CYREN: variants seen among roughly 807,000 people sequenced by gnomAD.
CYREN encodes the protein cell cycle regulator of NHEJ, also known as cell cycle regulator of non-homologous end joining.
Under a neutral mutation model 9.7 loss-of-function variants are expected in CYREN, and 7 were observed. The ratio of observed to expected loss-of-function variants is 0.72; its 90% CI spans 0.41 to 1.36. The LOEUF is 1.36. Among genes scored for constraint, CYREN ranks in the 40% most tolerant of loss-of-function variants. CYREN has a pLI of 0.01. For missense variants in CYREN, 215 were observed against 198.1 expected (o/e 1.09, Z -0.51); for synonymous variants, 76 against 77.9 (o/e 0.98, Z 0.13).
chr7:135,094,341 C>G (rs1822322296), exon 3 of CYREN: 3 of 456,304 alleles, frequency 6.6e-6, no homozygotes, highest in Non-Finnish European at 1.3e-5. Flanking sequence ...TCTGAAGAGA[C>G]AGACGAATCC....
At chr7:135,108,715 T>C (rs1825151734) in intron 2 of CYREN, among the ~76,000 whole-genome samples, 1 of 152,232 alleles carries the variant, frequency 6.6e-6, no homozygotes, top group South Asian at 2.1e-4. Flanking sequence ...GGGTTTCCTG[T>C]ATTTTCTGGA....
At chr7:135,163,796 A>G (rs144850132), downstream of CYREN, among the ~76,000 whole-genome samples, 260 of 152,380 alleles carry the variant, frequency 1.7e-3, no homozygotes, top group African/African-American at 6.1e-3. Context: ...ATGAGTTCCC[A>G]GAGCACTGCA....
chr7:135,166,952 A>T (rs1359919977), intron 3 of CYREN, 81 bp from the exon 4 acceptor site: 1 of 1,548,386 alleles, frequency 6.5e-7, no homozygotes, highest in Non-Finnish European at 8.7e-7. Flanking sequence ...CACAGGATGT[A>T]TCTAGAAGCA....
At position 135,151,932 on chromosome 7, in the gene CYREN, A is replaced by C. The variant is rs1265533841; in HGVS notation, n.356+16817T>G. Among the ~76,000 whole-genome samples the C allele has an allele frequency of 1.3e-5, 2 of 152,150 alleles. No individual in the cohort carries two copies. Among genetic ancestry groups the C allele is most frequent in the Non-Finnish European group, 2.9e-5 (2 of 68,022 alleles). Reference sequence around the variant, plus strand: ...AACATAAATGAGACCAGCTTCCTAGAGTTCATCTCTGGGAATGAACCCTGG... The same window carrying C: ...AACATAAATGAGACCAGCTTCCTAGCGTTCATCTCTGGGAATGAACCCTGG... On this transcript the variant is annotated intron_variant and non_coding_transcript_variant, in intron 2 of 2. Transcript: ENST00000459937. The surrounding 1 kb of genome is among the most constrained non-coding windows in gnomAD (Gnocchi z 4.3).
intron 2 of CYREN, among the ~76,000 whole-genome samples, chr7:135,157,481 T>C (rs1034731538): frequency 2.0e-5 from 3 of 152,214 alleles, no homozygotes; most frequent in African/African-American, 7.2e-5. Flanking sequence ...TGTGCCCTTT[T>C]TAGGCCCCAC....
chr7:135,147,577 G>A (rs1238448901), intron 2 of CYREN, among the ~76,000 whole-genome samples: 1 of 152,100 alleles, frequency 6.6e-6, no homozygotes, highest in Admixed American at 6.6e-5. Context: ...CTCCAACATG[G>A]GCCTAAACAC....
chr7:135,171,817 C>T (rs1287374239), upstream of CYREN, among the ~76,000 whole-genome samples: 3 of 152,204 alleles, frequency 2.0e-5, no homozygotes, highest in Non-Finnish European at 4.4e-5. Flanking sequence ...CTCCGGCCAG[C>T]CTGACTGACG....
In CYREN at chr7:135,166,750, T is replaced by G. The variant is rs1352747346; in HGVS notation, c.335A>C (p.Asp112Ala). The part of the protein sequence containing the change: ...TSSGSSSEEE[D>A]SGKQALAPGL... ...TGGAGCCAGTGCCTGTTTCCCACTG[T>G]CCTCTTCCTCACTGCTGCTCCCAGA... The change falls in exon 4 of 4, where the codon GAC becomes GCC. Residue 112 changes from aspartate to alanine, a missense_variant. Physicochemically the swap from Asp to Ala is moderately radical, Grantham distance 126. Transcript: ENST00000393114. The G allele has an allele frequency of 6.2e-7, 1 of 1,614,066 alleles. No homozygotes were observed. The highest frequency in any genetic ancestry group is 1.7e-5 in the Admixed American group (1 of 60,026).
chr7:135,161,351 C>T (rs1829932747), downstream of CYREN, among the ~76,000 whole-genome samples: 1 of 151,958 alleles, frequency 6.6e-6, no homozygotes, highest in African/African-American at 2.4e-5. This position sits in a 1 kb window ranked among gnomAD's most constrained non-coding sequence, Gnocchi z 4.1. Flanking sequence ...TTTTTGGAAC[C>T]CCAGTGTAAC....
intron 2 of CYREN, among the ~76,000 whole-genome samples, chr7:135,157,540 T>G (rs1390538066): frequency 6.6e-6 from 1 of 152,232 alleles, no homozygotes; most frequent in African/African-American, 2.4e-5. Context: ...GGGCTGATTC[T>G]TGGGCCTCCA....
intron 2 of CYREN, among the ~76,000 whole-genome samples, chr7:135,118,961 C>G (rs1440491608): frequency 2.0e-5 from 3 of 151,946 alleles, no homozygotes; most frequent in Admixed American, 1.3e-4. Context: ...ATAGAAATTA[C>G]CCAACTGAAC....
intron 1 of CYREN, 142 bp downstream of exon 1, chr7:135,170,510 G>C (rs944145462): frequency 6.6e-6 from 1 of 152,342 alleles, no homozygotes; most frequent in African/African-American, 2.4e-5. Context: ...GGCTCCTTCC[G>C]ACTGGAGCGG....
intron 2 of CYREN, among the ~76,000 whole-genome samples, chr7:135,126,481 T>A (rs1014284647): frequency 3.9e-5 from 6 of 152,194 alleles, no homozygotes; most frequent in Admixed American, 1.3e-4. Context: ...ATTTATAGAT[T>A]CAACACTTTT....
chr7:135,092,727 T>A (rs977282618), exon 3 of CYREN: 2 of 152,066 alleles, frequency 1.3e-5, no homozygotes, highest in African/African-American at 4.8e-5. Context: ...GCCAAATAAA[T>A]TGAACTTTTT....
intron 2 of CYREN, among the ~76,000 whole-genome samples, chr7:135,101,729 G>A (rs767548921): frequency 2.6e-5 from 4 of 152,098 alleles, no homozygotes; most frequent in African/African-American, 9.7e-5. Context: ...CTATACTGAA[G>A]TGCCCAACAG....
At chr7:135,172,373 G>A (rs746985635), upstream of CYREN, among the ~76,000 whole-genome samples, 10 of 151,228 alleles carry the variant, frequency 6.6e-5, no homozygotes, top group Non-Finnish European at 1.2e-4. Context: ...TTTGAATTTC[G>A]TGATTTTGGT....
chr7:135,154,558 G>A (rs1176728561), intron 2 of CYREN, among the ~76,000 whole-genome samples: 4 of 152,016 alleles, frequency 2.6e-5, no homozygotes, highest in Non-Finnish European at 5.9e-5. Context: ...ATGTGTTTTT[G>A]CATTCATTTC....
chr7:135,095,038 T>C (rs1409228450), intron 2 of CYREN, among the ~76,000 whole-genome samples: 2 of 152,170 alleles, frequency 1.3e-5, no homozygotes, highest in Non-Finnish European at 2.9e-5. Context: ...ATGGAGTAAG[T>C]AGCCCAAGAT....
intron 2 of CYREN, chr7:135,135,347 T>C: frequency 8.2e-7 from 1 of 1,221,454 alleles, no homozygotes; most frequent in East Asian, 2.6e-5. Context: ...GCCCTCCCCT[T>C]CCCCTTTCCC....
Sources: gnomAD v4.1 joint callset for allele counts (sites outside exome capture counted in the v4.1 genomes callset) on GRCh38, gnomAD v4.1.1 for gene constraint, Gnocchi (gnomAD v3.1) non-coding constraint, MANE v1.5 for transcripts, NCBI Gene and HGNC (gene_info 2026-07-23, HGNC 2026-07-21) for gene names.